Variants in NXPH1 observed in about 807,000 individuals in gnomAD.
The protein encoded by NXPH1 is neurexophilin 1, also known as neurexophilin-1.
In NXPH1, 5 loss-of-function variants were observed where a neutral mutation model predicts 23.7. The observed-to-expected ratio is 0.21, with a 90% CI of 0.11 to 0.44. NXPH1 has a LOEUF of 0.44. Ranked by LOEUF, NXPH1 falls within the 20% of genes least tolerant of loss-of-function variation. The probability of loss-of-function intolerance (pLI) is 0.99; values close to 1 mark genes in which losing one functional copy is unlikely to be tolerated. For synonymous variants in NXPH1, 144 were observed against 122.2 expected (o/e 1.18, Z -1.18); for missense variants, 324 against 321.6 (o/e 1.01, Z -0.06).
intron 2 of NXPH1, among the ~76,000 whole-genome samples, chr7:8,589,018 A>C (rs1461102439): frequency 6.6e-6 from 1 of 152,162 alleles, no homozygotes; most frequent in African/African-American, 2.4e-5. Flanking sequence ...TTTAAGAATA[A>C]AGCAGTATGT....
At chr7:8,461,932 C>A (rs1298080399) in intron 2 of NXPH1, among the ~76,000 whole-genome samples, 1 of 151,760 alleles carries the variant, frequency 6.6e-6, no homozygotes, top group Non-Finnish European at 1.5e-5. Flanking sequence ...ACTCCACAAG[C>A]TACTTGGGGT....
chr7:8,706,052 A>T (rs539139064), intron 2 of NXPH1, among the ~76,000 whole-genome samples: 1 of 152,168 alleles, frequency 6.6e-6, no homozygotes, highest in African/African-American at 2.4e-5. Flanking sequence ...ATGTATCTGG[A>T]AATGGAGATA....
chr7:8,695,126 T>C (rs1821286121), intron 2 of NXPH1, among the ~76,000 whole-genome samples: 1 of 152,224 alleles, frequency 6.6e-6, no homozygotes, highest in African/African-American at 2.4e-5. Flanking sequence ...TTCTTCTATA[T>C]TAAATCTGGA....
intron 2 of NXPH1, among the ~76,000 whole-genome samples, chr7:8,528,364 T>C (rs1817898304): frequency 6.6e-6 from 1 of 152,224 alleles, no homozygotes; most frequent in African/African-American, 2.4e-5. Context: ...GCCTGGACAT[T>C]GCAGGAGAAT....
chr7:8,486,424 T>G (rs1448175830), intron 2 of NXPH1, among the ~76,000 whole-genome samples: 1 of 152,226 alleles, frequency 6.6e-6, no homozygotes, highest in Non-Finnish European at 1.5e-5. Context: ...ATTGTTTTAG[T>G]AAGCTCCTTT....
intron 2 of NXPH1, among the ~76,000 whole-genome samples, chr7:8,731,052 T>C (rs1044883142): frequency 1.3e-5 from 2 of 148,342 alleles, no homozygotes; most frequent in African/African-American, 2.5e-5. Context: ...TTTTATTGTT[T>C]TTTCTCTAAA....
chr7:8,694,161 A>G (rs965230447), intron 2 of NXPH1, among the ~76,000 whole-genome samples: 1 of 152,162 alleles, frequency 6.6e-6, no homozygotes, highest in African/African-American at 2.4e-5. Flanking sequence ...GACCAGTTAC[A>G]TTCTTGTGGA....
chr7:8,663,929 C>T (rs1027377732), intron 2 of NXPH1, among the ~76,000 whole-genome samples: 1 of 152,056 alleles, frequency 6.6e-6, no homozygotes, highest in African/African-American at 2.4e-5. Flanking sequence ...TTTAGAACGC[C>T]ATGTATGATG....
chr7:8,435,662 AG>A lies in NXPH1; in HGVS notation c.-50del. On this transcript the variant is annotated 5_prime_UTR_variant, in exon 2 of 3. The change abolishes the stop of an existing upstream ORF in the 5' untranslated region. Transcript: ENST00000405863. This position sits in a 1 kb window ranked among gnomAD's most constrained non-coding sequence, Gnocchi z 5.9. ...ATGTCAGGTGGATCTATGTTTCTGA[AG>A]GAACAAAGACTCAAAGAAGGCACCG... The A allele has an allele frequency of 6.4e-7, 1 of 1,552,876 alleles. No homozygotes were observed. The highest frequency in any genetic ancestry group is 1.1e-5 in the South Asian group (1 of 89,858).
At chr7:8,520,583 C>T (rs1015893324) in intron 2 of NXPH1, among the ~76,000 whole-genome samples, 3 of 152,136 alleles carry the variant, frequency 2.0e-5, no homozygotes, top group Non-Finnish European at 4.4e-5. Flanking sequence ...GAATGAACAT[C>T]ATCTAATTTA....
intron 2 of NXPH1, among the ~76,000 whole-genome samples, chr7:8,451,883 C>T (rs555055023): frequency 2.1e-4 from 32 of 152,234 alleles, no homozygotes; most frequent in Middle Eastern, 3.4e-3. Context: ...TGATCCTTTC[C>T]CCATTAGGCA....
chr7:8,605,575 A>G (rs1410466222), intron 2 of NXPH1, among the ~76,000 whole-genome samples: 3 of 152,162 alleles, frequency 2.0e-5, no homozygotes, highest in Non-Finnish European at 2.9e-5. Context: ...CTGTTATAAC[A>G]CAGACAGAAT....
chr7:8,471,556 T>A (rs895185391), intron 2 of NXPH1, among the ~76,000 whole-genome samples: 4 of 152,032 alleles, frequency 2.6e-5, no homozygotes, highest in Non-Finnish European at 4.4e-5. Context: ...TAGGAACTCA[T>A]TTTGTTGCTT....
rs139323447 is a variant in NXPH1 at position 8,483,277 on chromosome 7, G to A, written c.54+47510G>A. On this transcript the variant is annotated intron_variant, in intron 2 of 2. Transcript: ENST00000405863. ...ACATCCATATTTATAAAATTATGAGGTTGAATTAGAAGTTTTAAGCATTGC... is the reference window on the plus strand; with the variant it reads ...ACATCCATATTTATAAAATTATGAGATTGAATTAGAAGTTTTAAGCATTGC... Among the ~76,000 whole-genome samples the A allele has an allele frequency of 2.8e-3, 422 of 152,142 alleles. 2 individuals are homozygous for A. Among genetic ancestry groups the A allele is most frequent in the Middle Eastern group, 0.01 (3 of 294 alleles).
chr7:8,731,830 A>G (rs1206847316), intron 2 of NXPH1, among the ~76,000 whole-genome samples: 2 of 152,246 alleles, frequency 1.3e-5, no homozygotes, highest in Admixed American at 6.5e-5. Flanking sequence ...TGGAGCCTAC[A>G]GAGGCAGGCA....
At chr7:8,706,170 A>G in intron 2 of NXPH1, among the ~76,000 whole-genome samples, 1 of 152,216 alleles carries the variant, frequency 6.6e-6, no homozygotes, top group East Asian at 1.9e-4. Context: ...TTTTCAAAAA[A>G]TGGTTCCTGC....
intron 2 of NXPH1, among the ~76,000 whole-genome samples, chr7:8,493,008 C>T (rs1817276353): frequency 6.6e-6 from 1 of 151,962 alleles, no homozygotes; most frequent in Non-Finnish European, 1.5e-5. Context: ...AGTTCATTTT[C>T]AAAGAACAAA....
chr7:8,653,620 A>C (rs751368267), intron 2 of NXPH1, among the ~76,000 whole-genome samples: 13 of 152,230 alleles, frequency 8.5e-5, no homozygotes, highest in Non-Finnish European at 1.9e-4. Context: ...AAAGAAGGAT[A>C]GTCTATACCA....
At chr7:8,617,502 C>G (rs776690206) in intron 2 of NXPH1, among the ~76,000 whole-genome samples, 2 of 152,020 alleles carry the variant, frequency 1.3e-5, no homozygotes, top group African/African-American at 4.8e-5. Flanking sequence ...CAGTCATATG[C>G]AACAACACAG....
Sources: gnomAD v4.1 joint callset for allele counts (sites outside exome capture counted in the v4.1 genomes callset) on GRCh38, gnomAD v4.1.1 for gene constraint, Gnocchi (gnomAD v3.1) non-coding constraint, MANE v1.5 for transcripts, NCBI Gene and HGNC (gene_info 2026-07-23, HGNC 2026-07-21) for gene names.